Variants in RUNX1 observed in about 807,000 individuals in gnomAD.
RUNX1 encodes RUNX family transcription factor 1.
RUNX1 carries 19 observed loss-of-function variants against 42.8 expected under a neutral mutation model. The ratio of observed to expected loss-of-function variants is 0.44; its 90% CI spans 0.31 to 0.65. RUNX1 has a LOEUF of 0.65. Ranked by LOEUF, RUNX1 falls within the 30% of genes least tolerant of loss-of-function variation. The probability of loss-of-function intolerance (pLI) is 0.07; values close to 1 mark genes in which losing one functional copy is unlikely to be tolerated. For synonymous variants in RUNX1, 271 were observed against 289.4 expected, an observed-to-expected ratio of 0.94 and a Z score of 0.64; for missense variants, 528 against 672.0, an observed-to-expected ratio of 0.79 and a Z score of 2.37.
intron 2 of RUNX1, among the ~76,000 whole-genome samples, chr21:34,988,722 C>T (rs1021770593): frequency 6.6e-6 from 1 of 152,146 alleles, no homozygotes. Context: ...TGTGCAACAA[C>T]TTATTATGAT....
chr21:34,948,840 G>A (rs2058585325), intron 2 of RUNX1, among the ~76,000 whole-genome samples: 1 of 152,092 alleles, frequency 6.6e-6, no homozygotes, highest in Non-Finnish European at 1.5e-5. Context: ...CCGCCTCCCG[G>A]GCTCAAGCAA....
chr21:34,899,088 AT>A (rs1274671643), intron 2 of RUNX1, among the ~76,000 whole-genome samples: 1 of 151,952 alleles, frequency 6.6e-6, no homozygotes, highest in Non-Finnish European at 1.5e-5. Flanking sequence ...TACTTTTTGT[AT>A]TTTTTGTAAA....
rs115474743 is a variant in RUNX1, at chr21:34,873,495, C to T, written c.508+7062G>A. ...AAATAAACAGGAAATGTACTTACAT[C>T]TTCTTTGAGAAAAACACAGTTTAAA... On this transcript the variant is annotated intron_variant, in intron 5 of 8. Coordinates refer to ENST00000675419, the MANE Select transcript of RUNX1 (RefSeq NM_001754.5). Among the ~76,000 whole-genome samples, 774 of 152,326 alleles carry T rather than the reference C, an allele frequency of 5.1e-3. 7 individuals are homozygous for T. The highest frequency in any genetic ancestry group is 0.018 in the African/African-American group (735 of 41,558).
chr21:34,969,765 C>CAAAA (rs150978735), intron 2 of RUNX1, among the ~76,000 whole-genome samples: 1 of 124,698 alleles, frequency 8.0e-6, no homozygotes, highest in African/African-American at 3.1e-5. Flanking sequence ...TCAGTTAAAG[C>CAAAA]AAAAAAAAAA....
chr21:34,999,796 T>C (rs528177430), intron 2 of RUNX1, among the ~76,000 whole-genome samples: 1 of 152,374 alleles, frequency 6.6e-6, no homozygotes, highest in African/African-American at 2.4e-5. Flanking sequence ...AATCCTGGTC[T>C]TCCTCCTTTT....
chr21:35,019,182 C>T (rs1467320370), intron 2 of RUNX1, among the ~76,000 whole-genome samples: 4 of 152,242 alleles, frequency 2.6e-5, no homozygotes, highest in African/African-American at 7.2e-5. Context: ...ATCCACTCAT[C>T]GTCCTCAACC....
intron 3 of RUNX1, chr21:34,889,712 G>T: frequency 8.4e-7 from 1 of 1,186,106 alleles, no homozygotes; most frequent in Middle Eastern, 3.5e-4. Context: ...TTCCCCCTGC[G>T]CCGGTCCCCG....
At chr21:34,904,162 T>C (rs1443839143) in intron 2 of RUNX1, among the ~76,000 whole-genome samples, 1 of 152,174 alleles carries the variant, frequency 6.6e-6, no homozygotes, top group Non-Finnish European at 1.5e-5. Context: ...ATGATTGTTT[T>C]GGACTTGCTT....
Position 34,901,384 on chromosome 21 carries a change from G to A in RUNX1, c.59-8421C>T, listed in dbSNP as rs954778282. On this transcript the variant is annotated intron_variant, in intron 2 of 8. Transcript: ENST00000675419. The surrounding 1 kb of genome is among the most constrained non-coding windows in gnomAD (Gnocchi z 4.3). ...AAGTAGCTGGGCGTGGTGGCGGCGC[G>A]TGCCTGTAGTCCCAGCTACTCGAGA... Among the ~76,000 whole-genome samples, 32 of 152,138 alleles carry A rather than the reference G, an allele frequency of 2.1e-4. No individual in the cohort carries two copies. The highest frequency in any genetic ancestry group is 6.7e-4 in the African/African-American group (28 of 41,484).
chr21:34,834,694 G>T, intron 6 of RUNX1, 93 bp from the exon 7 acceptor site: 3 of 1,154,172 alleles, frequency 2.6e-6, no homozygotes, highest in Non-Finnish European at 3.7e-6. Context: ...TAAAACTGGG[G>T]CTTTTCTTGT....
At chr21:35,004,605 A>G (rs2059070194) in intron 2 of RUNX1, among the ~76,000 whole-genome samples, 1 of 152,208 alleles carries the variant, frequency 6.6e-6, no homozygotes, top group African/African-American at 2.4e-5. Flanking sequence ...CCATTGTTGA[A>G]GTAATCATTT....
At chr21:34,898,084 G>A (rs191678760) in intron 2 of RUNX1, among the ~76,000 whole-genome samples, 1 of 152,092 alleles carries the variant, frequency 6.6e-6, no homozygotes, top group Non-Finnish European at 1.5e-5. Flanking sequence ...GATGCCGAGG[G>A]TGACCCCTGA....
In RUNX1 at chr21:34,823,430, G is replaced by GTTTTTT. The variant is rs56957776; in HGVS notation, c.805+10974_805+10979dup. On this transcript the variant is annotated intron_variant, in intron 7 of 8. Transcript: ENST00000675419. ...TAAGCACCATTTCCATTCCTGGTGG[G>GTTTTTT]TTTTTTTTTTTTTTTTTTTTTTTTT... 1.5e-3 allele frequency among the ~76,000 whole-genome samples: 146 copies of GTTTTTT among 99,652 alleles called. 15 individuals carry two copies. Among genetic ancestry groups the GTTTTTT allele is most frequent in the African/African-American group, 4.9e-3 (96 of 19,528 alleles). 65.4% of individuals were successfully genotyped at this position (99,652 alleles called of 152,430 possible). A position where few individuals can be genotyped will look rare whatever the true frequency, so the allele number is the denominator to read the frequency against.
At chr21:34,954,094 G>T (rs1368459405) in intron 2 of RUNX1, among the ~76,000 whole-genome samples, 1 of 152,200 alleles carries the variant, frequency 6.6e-6, no homozygotes, top group African/African-American at 2.4e-5. Context: ...CAAACTGCAA[G>T]TTTGTGTCAC....
intron 8 of RUNX1, among the ~76,000 whole-genome samples, chr21:34,797,064 C>T (rs373296635): frequency 5.3e-5 from 8 of 152,174 alleles, no homozygotes; most frequent in Non-Finnish European, 1.2e-4. Context: ...TATTCCACCC[C>T]CCTCCTGCCT....
intron 2 of RUNX1, among the ~76,000 whole-genome samples, chr21:35,031,302 C>A (rs549526740): frequency 5.9e-5 from 9 of 152,260 alleles, no homozygotes; most frequent in African/African-American, 2.2e-4. Context: ...GAGCCGAGAT[C>A]GTGCCACTGC....
At chr21:34,821,477 CTAT>C (rs2056907218) in intron 7 of RUNX1, 1 of 1,432,084 alleles carries the variant, frequency 7.0e-7, no homozygotes, top group Non-Finnish European at 9.2e-7. Context: ...GTGTTAGGAA[CTAT>C]TATTGTTACG....
chr21:34,964,060 AG>A (rs2058700546), intron 2 of RUNX1, among the ~76,000 whole-genome samples: 1 of 152,224 alleles, frequency 6.6e-6, no homozygotes. Flanking sequence ...AGGAAGTATC[AG>A]CCACTGCGAT....
chr21:34,930,268 A>ATG (rs141115974), intron 2 of RUNX1, among the ~76,000 whole-genome samples: 1,756 of 121,044 alleles, frequency 0.015, 59 homozygotes, highest in East Asian at 0.07. Flanking sequence ...GTGTGTGTGT[A>ATG]TGTATATATA....
Sources: gnomAD v4.1 joint callset for allele counts (sites outside exome capture counted in the v4.1 genomes callset) on GRCh38, gnomAD v4.1.1 for gene constraint, Gnocchi (gnomAD v3.1) non-coding constraint, MANE v1.5 for transcripts, NCBI Gene and HGNC (gene_info 2026-07-23, HGNC 2026-07-21) for gene names.